NAV3: variants seen among roughly 807,000 people sequenced by gnomAD.
NAV3 encodes the protein pore membrane and/or filament interacting like protein 1.
A neutral mutation model predicts 244.7 loss-of-function variants in NAV3; 87 were observed. That is an observed-to-expected ratio of 0.36 (90% CI 0.30 to 0.42). NAV3 has a LOEUF of 0.42. NAV3 is among the 20% of genes least tolerant of loss of function. The probability of loss-of-function intolerance (pLI) is 1.00; values close to 1 mark genes in which losing one functional copy is unlikely to be tolerated. For synonymous variants in NAV3, 1,126 were observed against 1,042.2 expected (o/e 1.08, Z -1.55); for missense variants, 2,663 against 2,893.3 (o/e 0.92, Z 1.83).
intron 5 of NAV3, among the ~76,000 whole-genome samples, chr12:77,993,097 A>T (rs1439377664): frequency 6.6e-6 from 1 of 152,202 alleles, no homozygotes; most frequent in African/African-American, 2.4e-5. Context: ...TGGCCAAATC[A>T]TTCAAACTTT....
At chr12:77,980,848 T>C (rs768240357) in intron 5 of NAV3, among the ~76,000 whole-genome samples, 18 of 152,180 alleles carry the variant, frequency 1.2e-4, no homozygotes, top group Non-Finnish European at 1.9e-4. Context: ...ATCTTGAAGT[T>C]TGACATTCCT....
chr12:77,966,683 A>T (rs553088149), intron 4 of NAV3, among the ~76,000 whole-genome samples: 1 of 152,232 alleles, frequency 6.6e-6, no homozygotes, highest in East Asian at 1.9e-4. Flanking sequence ...ATATTATTTT[A>T]TCAATAACAT....
At chr12:77,696,625 A>G (rs1371633266) in intron 2 of NAV3, among the ~76,000 whole-genome samples, 1 of 152,150 alleles carries the variant, frequency 6.6e-6, no homozygotes, top group African/African-American at 2.4e-5. Flanking sequence ...CTAAGTTACT[A>G]AGCTTATGGC....
intron 9 of NAV3, among the ~76,000 whole-genome samples, chr12:78,044,460 C>G (rs537836935): frequency 1.3e-5 from 2 of 152,186 alleles, no homozygotes; most frequent in African/African-American, 4.8e-5. Context: ...TTTTCTAACT[C>G]TATGAATAAA....
At chr12:77,634,630 G>T (rs17190004) in intron 2 of NAV3, among the ~76,000 whole-genome samples, 3,770 of 152,108 alleles carry the variant, frequency 0.025, 61 homozygotes, top group Middle Eastern at 0.082. Flanking sequence ...TAAAATTTTA[G>T]AACAGGTGTC....
At chr12:77,938,931 CGTGTGT>C (rs35392593) in intron 1 of NAV3, among the ~76,000 whole-genome samples, 21 of 142,592 alleles carry the variant, frequency 1.5e-4, no homozygotes, top group African/African-American at 3.4e-4. Flanking sequence ...AATGTGATCT[CGTGTGT>C]GTGTGTGTGT....
intron 2 of NAV3, among the ~76,000 whole-genome samples, chr12:77,774,753 T>C (rs912255537): frequency 1.3e-5 from 2 of 152,184 alleles, no homozygotes; most frequent in Non-Finnish European, 2.9e-5. Flanking sequence ...AATCTCCCTC[T>C]GATTAACATG....
intron 1 of NAV3, among the ~76,000 whole-genome samples, chr12:77,868,683 G>A (rs1880455895): frequency 6.9e-6 from 1 of 145,432 alleles, no homozygotes; most frequent in South Asian, 2.2e-4. Context: ...TAGAACCTGG[G>A]AAATGGAGGT....
intron 5 of NAV3, among the ~76,000 whole-genome samples, chr12:77,983,444 T>C (rs1399534216): frequency 2.6e-5 from 4 of 152,084 alleles, no homozygotes; most frequent in Non-Finnish European, 4.4e-5. Context: ...TATAATATGA[T>C]AGTGGAAACA....
chr12:78,036,894 C>T (rs770373787), intron 9 of NAV3: 1 of 701,686 alleles, frequency 1.4e-6, no homozygotes. Context: ...CTCTGTGTTC[C>T]GGAGCAAAGA....
At chr12:77,966,172 T>G in intron 3 of NAV3, 57 bp from the exon 4 acceptor site, 1 of 1,395,152 alleles carries the variant, frequency 7.2e-7, no homozygotes, top group East Asian at 2.3e-5. Flanking sequence ...TTTTGGCACA[T>G]GTATTTGTTA....
chr12:77,819,628 G>A (rs1489501646), intron 2 of NAV3, among the ~76,000 whole-genome samples: 10 of 151,840 alleles, frequency 6.6e-5, no homozygotes, highest in Non-Finnish European at 1.3e-4. Context: ...TTGAGGAGGG[G>A]ATTAAAAATG....
rs150414688 is a variant in NAV3 at position 77,602,065 on chromosome 12, A to G, written c.72+29799A>G. 2.0e-3 allele frequency among the ~76,000 whole-genome samples: 311 copies of G among 152,134 alleles called. 1 individual carries two copies. The highest frequency in any genetic ancestry group is 7.3e-3 in the African/African-American group (304 of 41,558). On this transcript the variant is annotated intron_variant, in intron 2 of 8. Transcript: ENST00000550042. ...CCAAACACTGCAGGTTTAGCAAACT[A>G]TGGATAATAGGGAGTTCTGCAGTGT...
chr12:77,676,364 G>C (rs1004180426), intron 2 of NAV3, among the ~76,000 whole-genome samples: 3 of 152,068 alleles, frequency 2.0e-5, no homozygotes, highest in Non-Finnish European at 2.9e-5. Context: ...CTTACAAGGT[G>C]GTGTCCTCCA....
At chr12:78,135,505 G>A (rs1374980792) in intron 18 of NAV3, among the ~76,000 whole-genome samples, 1 of 152,044 alleles carries the variant, frequency 6.6e-6, no homozygotes, top group Non-Finnish European at 1.5e-5. Flanking sequence ...CAATCATTTA[G>A]GTAAGAATTA....
chr12:77,593,809 T>A (rs1870037810), intron 2 of NAV3, among the ~76,000 whole-genome samples: 1 of 151,684 alleles, frequency 6.6e-6, no homozygotes, highest in East Asian at 1.9e-4. Flanking sequence ...AGAGATTTAT[T>A]TTAGATGAAA....
chr12:77,702,580 GT>G (rs1875611108), intron 2 of NAV3, among the ~76,000 whole-genome samples: 1 of 151,216 alleles, frequency 6.6e-6, no homozygotes, highest in South Asian at 2.1e-4. Flanking sequence ...TTATTCCTTT[GT>G]TTACTTTTTG....
chr12:77,915,146 C>A (rs1017957013), intron 1 of NAV3, among the ~76,000 whole-genome samples: 1 of 152,000 alleles, frequency 6.6e-6, no homozygotes, highest in Admixed American at 6.6e-5. Context: ...GGATTTACTT[C>A]CTGACCAGCT....
intron 1 of NAV3, among the ~76,000 whole-genome samples, chr12:77,833,523 C>T (rs1472154485): frequency 2.6e-5 from 4 of 152,274 alleles, no homozygotes; most frequent in African/African-American, 9.6e-5. Flanking sequence ...GGGTGTGGAG[C>T]TTCGACCCTA....
Sources: gnomAD v4.1 joint callset for allele counts (sites outside exome capture counted in the v4.1 genomes callset) on GRCh38, gnomAD v4.1.1 for gene constraint, MANE v1.5 for transcripts, NCBI Gene and HGNC (gene_info 2026-07-23, HGNC 2026-07-21) for gene names.